HERPUD2: variants seen among roughly 807,000 people sequenced by gnomAD.
HERPUD2 encodes the protein HERPUD family member 2.
In HERPUD2, 13 loss-of-function variants were observed where a neutral mutation model predicts 49.9. The ratio of observed to expected loss-of-function variants is 0.26; its 90% CI spans 0.17 to 0.41. The LOEUF is 0.41. HERPUD2 is among the 10% of genes least tolerant of loss of function. The probability of loss-of-function intolerance (pLI) is 1.00; values close to 1 mark genes in which losing one functional copy is unlikely to be tolerated. For missense variants in HERPUD2, 449 were observed against 492.2 expected (o/e 0.91, Z 0.83); for synonymous variants, 172 against 171.4 (o/e 1.00, Z -0.03).
chr7:35,684,539 C>T (rs376652789), intron 2 of HERPUD2, among the ~76,000 whole-genome samples: 1 of 147,616 alleles, frequency 6.8e-6, no homozygotes, highest in East Asian at 2.0e-4. Flanking sequence ...TATATATATA[C>T]ATATGTGACG....
At chr7:35,683,853 T>G (rs1181625784) in intron 2 of HERPUD2, among the ~76,000 whole-genome samples, 2 of 152,070 alleles carry the variant, frequency 1.3e-5, no homozygotes, top group East Asian at 3.8e-4. Context: ...AAAACTACAA[T>G]GCAATACCAC....
At chr7:35,678,157 T>A (rs998859730) in intron 2 of HERPUD2, among the ~76,000 whole-genome samples, 1 of 152,170 alleles carries the variant, frequency 6.6e-6, no homozygotes, top group Admixed American at 6.5e-5. Flanking sequence ...AGGCTGTGTA[T>A]GTTCATTATG....
Position 35,634,281 on chromosome 7 carries a change from T to A in HERPUD2, c.1059+31A>T, listed in dbSNP as rs751738788. On this transcript the variant is annotated intron_variant, in intron 8 of 8. Transcript: ENST00000311350. ...ATACCGTGCTGGGAAAATCTCAGTA[T>A]CTTAAGTATACAAAAGCTTCAATCA... 3 of 1,358,266 alleles carry A rather than the reference T, an allele frequency of 2.2e-6. No homozygotes were observed. In the South Asian group the frequency reaches 3.5e-5, roughly 16 times the overall value. 84.1% of individuals were successfully genotyped at this position (1,358,266 alleles called of 1,614,324 possible).
At chr7:35,634,878 A>C (rs1278654711) in intron 7 of HERPUD2, among the ~76,000 whole-genome samples, 2 of 152,224 alleles carry the variant, frequency 1.3e-5, no homozygotes, top group African/African-American at 2.4e-5. Flanking sequence ...AGTTCGAAAT[A>C]ATGGATAGAG....
At chr7:35,641,519 A>T (rs1475689268) in intron 5 of HERPUD2, among the ~76,000 whole-genome samples, 2 of 152,236 alleles carry the variant, frequency 1.3e-5, no homozygotes, top group Non-Finnish European at 2.9e-5. Context: ...TAGCCAAGGC[A>T]ATCCCAGGCA....
Position 35,633,778 on chromosome 7 carries a change from C to A in HERPUD2, c.1133G>T (p.Arg378Met). Residue 378 changes from arginine (R) to methionine (M), a missense_variant, in exon 9 of 9, where the codon AGG (arginine) becomes ATG (methionine). By Grantham distance (91) the Arg-to-Met change is moderately conservative. Transcript: ENST00000311350. The stretch of plus-strand genomic sequence containing the variant: ...CCAAGCTGAAGCCATTAATCCAGGC[C>A]TTTGAATTGCACTGGCATCTTCACC... ...DGGEDASAIQ[R>M]PGLMASAWSF... 2.5e-6 allele frequency: 4 copies of A among 1,614,060 alleles called. No homozygotes were observed. The highest frequency in any genetic ancestry group is 3.4e-6 in the Non-Finnish European group (4 of 1,179,980).
chr7:35,657,912 ACT>A (rs1277277996), intron 5 of HERPUD2, among the ~76,000 whole-genome samples: 4 of 150,374 alleles, frequency 2.7e-5, no homozygotes, highest in Admixed American at 6.6e-5. Flanking sequence ...ACACAGCGAG[ACT>A]CTGTCTCAAA....
At chr7:35,674,066 A>G (rs1785697945) in intron 2 of HERPUD2, among the ~76,000 whole-genome samples, 1 of 152,136 alleles carries the variant, frequency 6.6e-6, no homozygotes, top group Admixed American at 6.6e-5. Flanking sequence ...TATATCAGTA[A>G]TTGTTAAATA....
chr7:35,663,446 C>G (rs1273608203), intron 5 of HERPUD2, among the ~76,000 whole-genome samples: 3 of 152,112 alleles, frequency 2.0e-5, no homozygotes, highest in Non-Finnish European at 4.4e-5. Flanking sequence ...AGTTCAATTC[C>G]TGGATATCCT....
chr7:35,682,349 GTGTGTGTGTATATATATATATATA>G lies in HERPUD2; in HGVS notation c.148-9095_148-9072del, dbSNP rs1562686311. On this transcript the variant is annotated intron_variant, in intron 2 of 8. Coordinates refer to ENST00000311350, the MANE Select transcript of HERPUD2 (RefSeq NM_022373.5). ...CACGTGTGTGTGTGTGTGTGTGTGT[GTGTGTGTGTATATATATATATATA>G]TATATATATATATACTTAATCGGCA... 3.4e-3 allele frequency among the ~76,000 whole-genome samples: 142 copies of G among 41,798 alleles called. 18 individuals are homozygous for G. The East Asian group carries it at 0.056, about 17-fold the overall frequency. The allele number at this position is 41,798 out of a possible 152,430, so 27.4% of individuals were successfully genotyped here.
chr7:35,668,411 T>C (rs1219327965), intron 4 of HERPUD2: 2 of 152,646 alleles, frequency 1.3e-5, no homozygotes, highest in African/African-American at 4.8e-5. Context: ...TGAAAATAGT[T>C]TGTCAAGTGT....
At chr7:35,665,712 T>C (rs924295689) in intron 5 of HERPUD2, among the ~76,000 whole-genome samples, 3 of 152,232 alleles carry the variant, frequency 2.0e-5, no homozygotes, top group Non-Finnish European at 2.9e-5. Flanking sequence ...ACTGGAGCTG[T>C]TCCTATTCGG....
intron 5 of HERPUD2, among the ~76,000 whole-genome samples, chr7:35,644,982 A>G (rs1460502942): frequency 1.3e-5 from 2 of 152,194 alleles, no homozygotes; most frequent in East Asian, 3.8e-4. Context: ...CATATCTGTT[A>G]CAAATACACA....
At chr7:35,682,351 GTGTGTGTATATATATATATATA>G (rs1562686326) in intron 2 of HERPUD2, among the ~76,000 whole-genome samples, 532 of 28,738 alleles carry the variant, frequency 0.019, 59 homozygotes, top group East Asian at 0.071. Context: ...GTGTGTGTGT[GTGTGTGTATATATATATATATA>G]TATATATATA....
At chr7:35,689,860 G>T (rs113436603) in intron 2 of HERPUD2, among the ~76,000 whole-genome samples, 1 of 152,160 alleles carries the variant, frequency 6.6e-6, no homozygotes, top group Non-Finnish European at 1.5e-5. Context: ...CCCCAAAAAG[G>T]TTTGCCTTCA....
At chr7:35,692,138 C>T (rs1786204863) in intron 2 of HERPUD2, among the ~76,000 whole-genome samples, 2 of 152,200 alleles carry the variant, frequency 1.3e-5, no homozygotes, top group Non-Finnish European at 2.9e-5. Context: ...AGGAGGCAGG[C>T]AGTTTGGGAA....
intron 2 of HERPUD2, among the ~76,000 whole-genome samples, chr7:35,676,542 C>T (rs963033159): frequency 2.9e-4 from 44 of 152,146 alleles, no homozygotes; most frequent in African/African-American, 1.0e-3. Flanking sequence ...CTAGAATCAG[C>T]CATTGCTCCA....
rs1785557267 is a variant in HERPUD2, at chr7:35,667,338, A to C, written c.494+96T>G. 2.8e-6 allele frequency: 3 copies of C among 1,071,696 alleles called. No individual in the cohort carries two copies. The African/African-American group carries it at 4.7e-5, about 17-fold the overall frequency. The allele number at this position is 1,071,696 out of a possible 1,614,324, so 66.4% of individuals were successfully genotyped here. ...AAATATATGAATAAATTTAAAATGT[A>C]CTTTAATTACTGCAAAGAGGCTATA... is the stretch of plus-strand genomic sequence containing the variant. On this transcript the variant is annotated intron_variant, in intron 5 of 8. Coordinates refer to ENST00000311350, the MANE Select transcript of HERPUD2 (RefSeq NM_022373.5).
intron 5 of HERPUD2, among the ~76,000 whole-genome samples, chr7:35,643,041 G>GA (rs1784991513): frequency 6.6e-6 from 1 of 152,050 alleles, no homozygotes; most frequent in Non-Finnish European, 1.5e-5. Flanking sequence ...ATGAAATATG[G>GA]AAAAAAACTT....
Sources: gnomAD v4.1 joint callset for allele counts (sites outside exome capture counted in the v4.1 genomes callset) on GRCh38, gnomAD v4.1.1 for gene constraint, MANE v1.5 for transcripts, NCBI Gene and HGNC (gene_info 2026-07-23, HGNC 2026-07-21) for gene names.